TCF4: variants seen among roughly 807,000 people sequenced by gnomAD.
The protein encoded by TCF4 is transcription factor 4, also known as SL3-3 enhancer factor 2.
A neutral mutation model predicts 82.1 loss-of-function variants in TCF4; 3 were observed. That is an observed-to-expected ratio of 0.04 (90% confidence interval 0.02 to 0.09). TCF4 has a LOEUF of 0.09. Ranked by LOEUF, TCF4 falls within the 10% of genes least tolerant of loss-of-function variation. TCF4 has a pLI of 1.00. For synonymous variants in TCF4, 276 were observed against 309.6 expected, an observed-to-expected ratio of 0.89 and a Z score of 1.14; for missense variants, 518 against 852.7, an observed-to-expected ratio of 0.61 and a Z score of 4.89.
chr18:55,447,760 A>G (rs1459601629), intron 5 of TCF4, among the ~76,000 whole-genome samples: 1 of 152,170 alleles, frequency 6.6e-6, no homozygotes, highest in Non-Finnish European at 1.5e-5. Context: ...TCACAAATAT[A>G]TCATTTGCCC....
intron 2 of TCF4, among the ~76,000 whole-genome samples, chr18:55,624,914 C>A (rs765250617): frequency 4.6e-5 from 7 of 152,124 alleles, no homozygotes; most frequent in Non-Finnish European, 8.8e-5. Flanking sequence ...AATGCCTGAC[C>A]CTTCCTCATC....
At chr18:55,628,124 A>C (rs1208622436) in intron 2 of TCF4, among the ~76,000 whole-genome samples, 1 of 152,188 alleles carries the variant, frequency 6.6e-6, no homozygotes, top group East Asian at 1.9e-4. Context: ...TTTAATGAGG[A>C]TCATTTCAAG....
intron 5 of TCF4, among the ~76,000 whole-genome samples, chr18:55,441,817 T>C (rs2095443167): frequency 1.3e-5 from 2 of 152,160 alleles, no homozygotes; most frequent in Admixed American, 1.3e-4. Context: ...CACAAATCAG[T>C]GGAAACTCTT....
intron 3 of TCF4, among the ~76,000 whole-genome samples, chr18:55,529,152 C>T (rs567832605): frequency 7.9e-5 from 12 of 152,110 alleles, no homozygotes; most frequent in East Asian, 3.9e-4. Flanking sequence ...CACTTCAGCC[C>T]GGGTGGTAAC....
chr18:55,437,334 G>T (rs2095350327), intron 5 of TCF4, among the ~76,000 whole-genome samples: 1 of 152,088 alleles, frequency 6.6e-6, no homozygotes, highest in Non-Finnish European at 1.5e-5. Flanking sequence ...CAAATCTTTA[G>T]GGCCAGTAGA....
intron 6 of TCF4, among the ~76,000 whole-genome samples, chr18:55,369,630 C>T (rs2088338429): frequency 6.6e-6 from 1 of 152,196 alleles, no homozygotes; most frequent in South Asian, 2.1e-4. Flanking sequence ...ATTCATGCTG[C>T]CCTCACACCT....
At chr18:55,282,047 C>T (rs1390484050) in intron 8 of TCF4, among the ~76,000 whole-genome samples, 1 of 151,930 alleles carries the variant, frequency 6.6e-6, no homozygotes, top group Non-Finnish European at 1.5e-5. Context: ...CAGACAATTT[C>T]TACATATTTT....
intron 8 of TCF4, among the ~76,000 whole-genome samples, chr18:55,328,975 A>G (rs1370174033): frequency 2.6e-5 from 4 of 152,194 alleles, no homozygotes; most frequent in Non-Finnish European, 5.9e-5. Context: ...CTTTCACATC[A>G]TGGAGCAATA....
intron 3 of TCF4, chr18:55,553,203 T>C (rs2097275023): frequency 1.3e-5 from 2 of 152,220 alleles, no homozygotes; most frequent in South Asian, 2.1e-4. Flanking sequence ...ATATCATATA[T>C]ACATACATAG....
chr18:55,228,426 C>T lies in TCF4; in HGVS notation c.1880-65G>A, dbSNP rs10221362. The T allele has an allele frequency of 0.27, 425,492 of 1,598,040 alleles. 58,903 individuals carry two copies. Among genetic ancestry groups the T allele is most frequent in the East Asian group, 0.41 (18,169 of 44,804 alleles). On this transcript the variant is annotated intron_variant, in intron 18 of 19. Transcript: ENST00000354452. Reference sequence around the variant, plus strand: ...AGGCTTCTGGCAGAGGGCAGCAATGCACTCTTCTTGCGTGTCTGACCTTTT... The same window carrying T: ...AGGCTTCTGGCAGAGGGCAGCAATGTACTCTTCTTGCGTGTCTGACCTTTT...
At chr18:55,622,150 TAC>T (rs10654991) in intron 2 of TCF4, among the ~76,000 whole-genome samples, 1,670 of 139,242 alleles carry the variant, frequency 0.012, 14 homozygotes, top group Admixed American at 0.023. Context: ...CCTTCAAGAT[TAC>T]ACACACACAC....
chr18:55,445,266 C>T (rs566512689), intron 5 of TCF4, among the ~76,000 whole-genome samples: 1 of 152,216 alleles, frequency 6.6e-6, no homozygotes, highest in African/African-American at 2.4e-5. Context: ...CCAGCTTCAC[C>T]TGTGTATTAG....
chr18:55,321,758 TC>T (rs1177379798), intron 8 of TCF4: 2 of 1,534,038 alleles, frequency 1.3e-6, no homozygotes, highest in African/African-American at 1.4e-5. Context: ...TTCTTTTTTC[TC>T]CTCAGTACCA....
chr18:55,296,334 CTTAAAGCCAG>C (rs2146773359), intron 8 of TCF4, among the ~76,000 whole-genome samples: 1 of 152,310 alleles, frequency 6.6e-6, no homozygotes, highest in South Asian at 2.1e-4. Flanking sequence ...TGCTCCTGTA[CTTAAAGCCAG>C]ATGCAGAGGA....
intron 3 of TCF4, among the ~76,000 whole-genome samples, chr18:55,467,609 T>C (rs146464620): frequency 6.6e-6 from 1 of 152,322 alleles, no homozygotes; most frequent in Non-Finnish European, 1.5e-5. Context: ...CTGTCTGGGT[T>C]GCTGGTTTCA....
chr18:55,510,161 T>A (rs937522203), intron 3 of TCF4, among the ~76,000 whole-genome samples: 1 of 152,116 alleles, frequency 6.6e-6, no homozygotes, highest in African/African-American at 2.4e-5. Context: ...TAACCACATT[T>A]TCTGACTCAA....
At chr18:55,494,064 A>G (rs1414280188) in intron 3 of TCF4, among the ~76,000 whole-genome samples, 1 of 151,926 alleles carries the variant, frequency 6.6e-6, no homozygotes, top group Non-Finnish European at 1.5e-5. Context: ...CCCTACTTAA[A>G]TATTATATTC....
chr18:55,605,206 A>G (rs1468761913), intron 2 of TCF4, among the ~76,000 whole-genome samples: 2 of 152,194 alleles, frequency 1.3e-5, no homozygotes, highest in African/African-American at 2.4e-5. Flanking sequence ...CATGTGGCCT[A>G]GACTGAAAAC....
chr18:55,264,873 T>C (rs1042518923), intron 11 of TCF4: 2 of 152,264 alleles, frequency 1.3e-5, no homozygotes, highest in African/African-American at 4.8e-5. Flanking sequence ...CAAATATGAA[T>C]GGAAGATGAG....
Sources: gnomAD v4.1 joint callset for allele counts (sites outside exome capture counted in the v4.1 genomes callset) on GRCh38, gnomAD v4.1.1 for gene constraint, MANE v1.5 for transcripts, NCBI Gene and HGNC (gene_info 2026-07-23, HGNC 2026-07-21) for gene names.